Variants in LAMC3 observed in about 807,000 individuals in gnomAD.
LAMC3 encodes the protein laminin subunit gamma-3.
A neutral mutation model predicts 173.8 loss-of-function variants in LAMC3; 128 were observed. That is an observed-to-expected ratio of 0.74 (90% confidence interval 0.64 to 0.85). The LOEUF is 0.85. Ranked by LOEUF, LAMC3 falls within the 40% of genes least tolerant of loss-of-function variation. The probability of loss-of-function intolerance (pLI) is 0.00; values close to 1 mark genes in which losing one functional copy is unlikely to be tolerated. For synonymous variants in LAMC3, 897 were observed against 909.1 expected (o/e 0.99, Z 0.24); for missense variants, 2,022 against 2,156.0 (o/e 0.94, Z 1.23).
At chr9:131,080,916 A>G (rs60398130) in intron 23 of LAMC3, among the ~76,000 whole-genome samples, 24,840 of 152,152 alleles carry the variant, frequency 0.16, 3,320 homozygotes, top group African/African-American at 0.37. Flanking sequence ...TTCTTGTTAC[A>G]GTGACATTCA....
At chr9:131,089,135 C>T (rs1830379548) in intron 27 of LAMC3, among the ~76,000 whole-genome samples, 1 of 130,050 alleles carries the variant, frequency 7.7e-6, no homozygotes. Flanking sequence ...TGAGAACACT[C>T]AGACACAGGG....
At chr9:131,063,219 G>A (rs1170302812) in intron 13 of LAMC3, among the ~76,000 whole-genome samples, 1 of 152,216 alleles carries the variant, frequency 6.6e-6, no homozygotes, top group Non-Finnish European at 1.5e-5. Flanking sequence ...ACCGAGGGAT[G>A]GAGATTGCAC....
At chr9:131,047,186 A>G (rs1834184778) in intron 8 of LAMC3, among the ~76,000 whole-genome samples, 1 of 23,970 alleles carries the variant, frequency 4.2e-5, no homozygotes, top group Non-Finnish European at 1.0e-4. Flanking sequence ...TTTTTTTAAG[A>G]CGGAGTCTCA....
Position 131,009,453 on chromosome 9 carries a change from C to T in LAMC3, c.239C>T (p.Ala80Val). 6.5e-7 allele frequency: 1 copy of T among 1,547,248 alleles called. No homozygotes were observed. Among genetic ancestry groups the T allele is most frequent in the African/African-American group, 1.4e-5 (1 of 73,042 alleles). Residue 80 changes from alanine (A) to valine (V), a missense_variant, in exon 1 of 28, where the codon GCC (alanine) becomes GTC (valine). Transcript: ENST00000361069. The surrounding 1 kb of genome is among the most constrained non-coding windows in gnomAD (Gnocchi z 4.3). ...GCTCATTGCCAGCGCTGCGACGCCG[C>T]CGACCCCCAGCGCCACCACAACGCC... Reference protein sequence around the residue: ...AGAHCQRCDAADPQRHHNASY... With the variant: ...AGAHCQRCDAVDPQRHHNASY...
chr9:131,052,984 A>G lies in LAMC3; in HGVS notation c.1939+19A>G, dbSNP rs1363786308. On this transcript the variant is annotated intron_variant, in intron 11 of 27. Coordinates refer to ENST00000361069, the MANE Select transcript of LAMC3 (RefSeq NM_006059.4). Reference sequence around the variant, plus strand: ...CCTGCCGGTCAGTAAAGACAACCACATGCCCAAGACCCGAGTGCTTGCCAG... The same window carrying G: ...CCTGCCGGTCAGTAAAGACAACCACGTGCCCAAGACCCGAGTGCTTGCCAG... 6.5e-6 allele frequency: 10 copies of G among 1,546,182 alleles called. No homozygotes were observed. Among genetic ancestry groups the G allele is most frequent in the Non-Finnish European group, 8.9e-6 (10 of 1,121,362 alleles).
Position 131,092,047 on chromosome 9 carries a change from T to G in LAMC3, c.*260T>G. 1.8e-6 allele frequency: 1 copy of G among 556,234 alleles called. No homozygotes were observed. The highest frequency in any genetic ancestry group is 3.3e-6 in the Non-Finnish European group (1 of 307,520). 34.5% of individuals were successfully genotyped at this position (556,234 alleles called of 1,614,324 possible). On this transcript the variant is annotated 3_prime_UTR_variant, in exon 28 of 28. Transcript: ENST00000361069. ...ACATGCATAAACGGGCACACCCCAG[T>G]GTCAATAACATACACACGTGAGGGT...
At position 131,045,717 on chromosome 9, in the gene LAMC3, G is replaced by A. The variant is rs1476424698; in HGVS notation, c.1519+57G>A. The A allele has an allele frequency of 3.2e-6, 5 of 1,586,458 alleles. No individual in the cohort carries two copies. In the African/African-American group the frequency reaches 4.0e-5, roughly 13 times the overall value. ...GGGTCTGCTCCCAGCCTAGGCAGGT[G>A]ATCCTGCCCTGGGGAGATCTTGCAT... On this transcript the variant is annotated intron_variant, in intron 8 of 27. Coordinates refer to ENST00000361069, the MANE Select transcript of LAMC3 (RefSeq NM_006059.4).
At chr9:131,032,653 ACT>A (rs374246376) in intron 3 of LAMC3, among the ~76,000 whole-genome samples, 1 of 94,746 alleles carries the variant, frequency 1.1e-5, no homozygotes. Flanking sequence ...GCTCTCACTC[ACT>A]CTCTCTCACT....
chr9:131,089,938 G>A (rs543832269), intron 27 of LAMC3, among the ~76,000 whole-genome samples: 1 of 148,452 alleles, frequency 6.7e-6, no homozygotes, highest in African/African-American at 2.5e-5. Flanking sequence ...ACTGAGGTGA[G>A]GAGAGTTTAT....
chr9:131,057,224 G>C lies in LAMC3; in HGVS notation c.2158+77G>C, dbSNP rs376270199. 148 of 1,275,744 alleles carry C rather than the reference G, an allele frequency of 1.2e-4. 3 individuals are homozygous for C. In the East Asian group the frequency reaches 3.3e-3, roughly 28 times the overall value. 79.0% of individuals were successfully genotyped at this position (1,275,744 alleles called of 1,614,324 possible). A position where few individuals can be genotyped will look rare whatever the true frequency, so the allele number is the denominator to read the frequency against. Reference sequence around the variant, plus strand: ...CGGGATGAGTACTGACCTGAACAGGGCCAGCCTGGCACAGGCATTGAGGTG... The same window carrying C: ...CGGGATGAGTACTGACCTGAACAGGCCCAGCCTGGCACAGGCATTGAGGTG... On this transcript the variant is annotated intron_variant, in intron 12 of 27. Coordinates refer to ENST00000361069, the MANE Select transcript of LAMC3 (RefSeq NM_006059.4).
At chr9:131,075,108 A>G (rs984693434) in intron 20 of LAMC3, among the ~76,000 whole-genome samples, 2 of 151,878 alleles carry the variant, frequency 1.3e-5, no homozygotes, top group Non-Finnish European at 2.9e-5. Flanking sequence ...CTACAAAAAT[A>G]ATTTTAAAAA....
At chr9:131,044,877 C>T (rs1202291016) in intron 7 of LAMC3, among the ~76,000 whole-genome samples, 1 of 152,190 alleles carries the variant, frequency 6.6e-6, no homozygotes, top group Non-Finnish European at 1.5e-5. Context: ...ACACCGTGTC[C>T]TGGATGGGAT....
chr9:131,057,192 A>G, intron 12 of LAMC3, 45 bp downstream of exon 12: 1 of 1,540,114 alleles, frequency 6.5e-7, no homozygotes. Context: ...GGTTATACCC[A>G]AAACAGCGGG....
At chr9:131,057,637 G>T (rs950403360) in intron 12 of LAMC3, among the ~76,000 whole-genome samples, 3 of 152,190 alleles carry the variant, frequency 2.0e-5, no homozygotes, top group Non-Finnish European at 2.9e-5. Context: ...CCCCTTAGTG[G>T]CCATGGGAAA....
In LAMC3 at chr9:131,009,783, G is replaced by A. The variant is rs1274125670; in HGVS notation, c.373+196G>A. ...TGAAATCCCAGCACTTTGGGAGGCC[G>A]AGATGGGAGGGTCGCTTGAGCCCAG... is the stretch of plus-strand genomic sequence containing the variant. On this transcript the variant is annotated intron_variant, in intron 1 of 27. Transcript: ENST00000361069. The surrounding 1 kb of genome is among the most constrained non-coding windows in gnomAD (Gnocchi z 4.3). Among the ~76,000 whole-genome samples the A allele has an allele frequency of 1.3e-5, 2 of 152,136 alleles. No homozygotes were observed. The highest frequency in any genetic ancestry group is 2.9e-5 in the Non-Finnish European group (2 of 68,032).
At chr9:131,077,708 A>C (rs985655876) in intron 22 of LAMC3, among the ~76,000 whole-genome samples, 12 of 145,088 alleles carry the variant, frequency 8.3e-5, no homozygotes, top group African/African-American at 3.0e-4. Context: ...AAAAAAAAAA[A>C]AAAAACTATT....
rs12686593 is a variant in LAMC3 at position 131,093,480 on chromosome 9, G to T, written c.*1693G>T. 0.29 allele frequency: 43,709 copies of T among 151,862 alleles called. 7,318 individuals carry two copies. Among genetic ancestry groups the T allele is most frequent in the African/African-American group, 0.47 (19,273 of 41,254 alleles). The allele number at this position is 151,862 out of a possible 1,614,324, so 9.4% of individuals were successfully genotyped here. A position where few individuals can be genotyped will look rare whatever the true frequency, so the allele number is the denominator to read the frequency against. ...AGAAGGAAGCATTCCAGGCAAGAGG[G>T]TGGACAACAGTCCGGGGCCCGCAGG... On this transcript the variant is annotated 3_prime_UTR_variant, in exon 28 of 28. Coordinates refer to ENST00000361069, the MANE Select transcript of LAMC3 (RefSeq NM_006059.4).
intron 21 of LAMC3, among the ~76,000 whole-genome samples, chr9:131,076,237 C>T (rs1830123445): frequency 6.6e-6 from 1 of 152,176 alleles, no homozygotes; most frequent in Non-Finnish European, 1.5e-5. Flanking sequence ...CAACAGATCC[C>T]TTGCTCTCCT....
chr9:131,044,039 A>G (rs1390533535), intron 7 of LAMC3, among the ~76,000 whole-genome samples: 1 of 149,298 alleles, frequency 6.7e-6, no homozygotes, highest in Non-Finnish European at 1.5e-5. Context: ...GCTCACTGCA[A>G]CCTCTGTCTC....
Sources: allele counts gnomAD v4.1 joint callset (sites outside exome capture counted in the v4.1 genomes callset), GRCh38; gene constraint gnomAD v4.1.1; non-coding constraint Gnocchi (gnomAD v3.1); transcripts MANE v1.5; gene names NCBI Gene and HGNC (gene_info 2026-07-23, HGNC 2026-07-21).